The following B4GALT4 variants were observed in gnomAD, a reference collection of about 807,000 sequenced individuals.
B4GALT4 encodes the protein N-acetyllactosamine synthase.
In B4GALT4, 27 loss-of-function variants were observed where a neutral mutation model predicts 37.3. The observed-to-expected ratio is 0.72, with a 90% CI of 0.53 to 1.00. The LOEUF is 1.00. Among genes scored for constraint, B4GALT4 ranks in the 50% least tolerant of loss-of-function variants. The pLI is 0.00. For synonymous variants in B4GALT4, 148 were observed against 154.1 expected, an observed-to-expected ratio of 0.96 and a Z score of 0.29; for missense variants, 372 against 413.1, an observed-to-expected ratio of 0.90 and a Z score of 0.86.
rs547993757 is a variant in B4GALT4 at position 119,212,150 on chromosome 3, C to T, written c.*399G>A. 7 of 703,032 alleles carry T rather than the reference C, an allele frequency of 1.0e-5. No individual in the cohort carries two copies. Among genetic ancestry groups the T allele is most frequent in the African/African-American group, 3.5e-5 (2 of 57,380 alleles). 43.5% of individuals were successfully genotyped at this position (703,032 alleles called of 1,614,324 possible). On this transcript the variant is annotated 3_prime_UTR_variant, in exon 8 of 8. Coordinates refer to ENST00000393765, the MANE Select transcript of B4GALT4 (RefSeq NM_003778.4). Reference sequence around the variant, plus strand: ...TATCTTCGTACCTTTCTACCTTGGACGAGAACAACTCTGGTTCTCTCAGAC... The same window carrying T: ...TATCTTCGTACCTTTCTACCTTGGATGAGAACAACTCTGGTTCTCTCAGAC...
At chr3:119,224,342 T>TC in intron 4 of B4GALT4, 97 bp from the exon 5 acceptor site, 1 of 841,094 alleles carries the variant, frequency 1.2e-6, no homozygotes, top group Non-Finnish European at 1.7e-6. Flanking sequence ...TTATTCTAAT[T>TC]ATTCTACGCA....
chr3:119,223,890 C>T (rs1035916733), intron 5 of B4GALT4, among the ~76,000 whole-genome samples, 168 bp downstream of exon 5: 1 of 152,200 alleles, frequency 6.6e-6, no homozygotes, highest in Non-Finnish European at 1.5e-5. Flanking sequence ...GGGCTTTTTC[C>T]TCATTACATT....
chr3:119,215,254 G>A (rs2107458606), intron 7 of B4GALT4: 1 of 152,360 alleles, frequency 6.6e-6, no homozygotes, highest in Admixed American at 6.5e-5. Flanking sequence ...GCAGGCAGAA[G>A]AAGGGAGAAG....
intron 3 of B4GALT4, among the ~76,000 whole-genome samples, chr3:119,228,921 C>T (rs7428178): frequency 0.055 from 7,327 of 133,264 alleles, 294 homozygotes; most frequent in Admixed American, 0.16. Context: ...TGCGCACACA[C>T]ACCAAGGAAA....
chr3:119,225,293 CCA>C (rs1331918786), intron 4 of B4GALT4, among the ~76,000 whole-genome samples: 1 of 152,172 alleles, frequency 6.6e-6, no homozygotes, highest in Non-Finnish European at 1.5e-5. Flanking sequence ...AGAATGAATT[CCA>C]GTTAAGTGGT....
intron 6 of B4GALT4, among the ~76,000 whole-genome samples, chr3:119,217,286 C>G (rs771561813): frequency 1.3e-5 from 2 of 149,782 alleles, no homozygotes; most frequent in Non-Finnish European, 3.0e-5. Flanking sequence ...AAATGTAGCA[C>G]GTACCCTCTG....
intron 5 of B4GALT4, among the ~76,000 whole-genome samples, chr3:119,223,278 T>C (rs1225835643): frequency 6.6e-6 from 1 of 152,254 alleles, no homozygotes; most frequent in Non-Finnish European, 1.5e-5. Context: ...ACTGGTCTTA[T>C]GGCCTCCAGC....
chr3:119,228,823 T>TC (rs1156986717), intron 3 of B4GALT4, among the ~76,000 whole-genome samples: 1 of 151,730 alleles, frequency 6.6e-6, no homozygotes. Context: ...ATTAAAGCAC[T>TC]TATAAAAAGA....
chr3:119,229,779 C>A, intron 3 of B4GALT4, 68 bp downstream of exon 3: 1 of 1,518,456 alleles, frequency 6.6e-7, no homozygotes, highest in Admixed American at 1.9e-5. Context: ...TTGATACAGG[C>A]AAGTACATAT....
At chr3:119,214,985 C>T (rs2078251979) in intron 7 of B4GALT4, 1 of 152,128 alleles carries the variant, frequency 6.6e-6, no homozygotes, top group South Asian at 2.1e-4. Flanking sequence ...GGAGGAAGTA[C>T]ACAACACCAT....
intron 3 of B4GALT4, among the ~76,000 whole-genome samples, chr3:119,228,698 T>G (rs868784640): frequency 2.6e-5 from 4 of 152,314 alleles, no homozygotes; most frequent in East Asian, 3.9e-4. Flanking sequence ...GTACACAGAC[T>G]GAATGTCTGT....
intron 5 of B4GALT4, among the ~76,000 whole-genome samples, chr3:119,221,230 A>C (rs1318140865): frequency 6.6e-6 from 1 of 152,210 alleles, no homozygotes; most frequent in African/African-American, 2.4e-5. Context: ...TTGCCAGTAA[A>C]ATTTGCCACT....
intron 3 of B4GALT4, among the ~76,000 whole-genome samples, chr3:119,228,835 C>A (rs746502016): frequency 1.3e-5 from 2 of 151,626 alleles, no homozygotes; most frequent in African/African-American, 2.4e-5. Flanking sequence ...ATAAAAAGAG[C>A]AAGAGGCATG....
At chr3:119,223,996 C>T in intron 5 of B4GALT4, 62 bp downstream of exon 5, 1 of 1,474,424 alleles carries the variant, frequency 6.8e-7, no homozygotes, top group Non-Finnish European at 9.1e-7. Context: ...CTTGTTCCAC[C>T]CAGTCTTGAT....
chr3:119,231,238 C>A (rs2078804402), intron 2 of B4GALT4, among the ~76,000 whole-genome samples: 1 of 152,110 alleles, frequency 6.6e-6, no homozygotes, highest in South Asian at 2.1e-4. Context: ...TGACAAAAAT[C>A]ATGTTTTTAA....
At chr3:119,235,964 A>C (rs2078973706) in intron 2 of B4GALT4, among the ~76,000 whole-genome samples, 1 of 152,218 alleles carries the variant, frequency 6.6e-6, no homozygotes, top group African/African-American at 2.4e-5. Context: ...AAAGTGAGCG[A>C]TGGAAAAAAA....
rs1357639585 is a variant in B4GALT4, at chr3:119,236,244, G to A, written c.-146+609C>T. The A allele has an allele frequency of 3.3e-5, 5 of 152,136 alleles. No individual in the cohort carries two copies. The East Asian group carries it at 7.7e-4, about 23-fold the overall frequency. 9.4% of individuals were successfully genotyped at this position (152,136 alleles called of 1,614,324 possible). ...AAAAACTGAGGAACTATTTCAGATT[G>A]GAGGAGACTAAGGAGAAAGAAAAAC... On this transcript the variant is annotated intron_variant, in intron 2 of 7. Coordinates refer to ENST00000393765, the MANE Select transcript of B4GALT4 (RefSeq NM_003778.4).
intron 7 of B4GALT4, chr3:119,214,165 T>A (rs1330240938): frequency 6.6e-6 from 1 of 152,182 alleles, no homozygotes; most frequent in East Asian, 1.9e-4. Context: ...AGATCGAGGC[T>A]GTAGTGAGCC....
chr3:119,220,425 C>T (rs1484487880), intron 5 of B4GALT4, among the ~76,000 whole-genome samples: 5 of 152,242 alleles, frequency 3.3e-5, no homozygotes, highest in East Asian at 1.9e-4. Flanking sequence ...ATGTGCAAGA[C>T]GGCTGGCTAA....
Sources: gnomAD v4.1 joint callset for allele counts (sites outside exome capture counted in the v4.1 genomes callset) on GRCh38, gnomAD v4.1.1 for gene constraint, MANE v1.5 for transcripts, NCBI Gene and HGNC (gene_info 2026-07-23, HGNC 2026-07-21) for gene names.